RSBN1: variants seen among roughly 807,000 people sequenced by gnomAD.
RSBN1 encodes the protein round spermatid basic protein 1.
Under a neutral mutation model 74.8 loss-of-function variants are expected in RSBN1, and 23 were observed. That is an observed-to-expected ratio of 0.31 (90% CI 0.22 to 0.44). The LOEUF (loss-of-function observed/expected upper bound fraction) is 0.44. Ranked by LOEUF, RSBN1 falls within the 20% of genes least tolerant of loss-of-function variation. The pLI, the probability that RSBN1 is intolerant of heterozygous loss-of-function variation, is 1.00. For synonymous variants in RSBN1, 407 were observed against 379.6 expected (o/e 1.07, Z -0.84); for missense variants, 808 against 1,020.9 (o/e 0.79, Z 2.84).
intron 4 of RSBN1, among the ~76,000 whole-genome samples, chr1:113,775,945 T>G (rs1443121931): frequency 6.6e-6 from 1 of 152,230 alleles, no homozygotes; most frequent in Admixed American, 6.5e-5. Context: ...CATTCTCCTA[T>G]GAGCCTTAAG....
rs1218529115 is a variant in RSBN1, at chr1:113,797,630, A to G, written c.1110T>C (p.Ala370=). Residue 370 remains alanine (A), a synonymous_variant, in exon 2 of 7, where the codon GCT becomes GCC. Coordinates refer to ENST00000261441, the MANE Select transcript of RSBN1 (RefSeq NM_018364.5). ...CATCCATGTAAGCATGAAGGACAAG[A>G]GCACCACCATTGGACTGGTGTTCCT... ...IHEEHQSNGG[A]LVLHAYMDEL... is the part of the protein sequence containing the mutation. 2.5e-6 allele frequency: 4 copies of G among 1,614,068 alleles called. No homozygotes were observed. Among genetic ancestry groups the G allele is most frequent in the Admixed American group, 1.7e-5 (1 of 59,974 alleles).
In RSBN1 at chr1:113,777,758, C is replaced by A; in HGVS notation, c.1428G>T (p.Gln476His). ...CATCTACTGCTCCAACGAGACTTAT[C>A]TGCCGCATAGGACCTGCTCGGTAGG... is the stretch of plus-strand genomic sequence containing the variant. ...CGTYRAGPMR[Q>H]ISLVGAVDEE... The change falls in exon 3 of 7, where the codon CAG becomes CAT. Residue 476 changes from glutamine to histidine, a missense_variant. Coordinates refer to ENST00000261441, the MANE Select transcript of RSBN1 (RefSeq NM_018364.5). 1 of 1,610,862 alleles carries A rather than the reference C, an allele frequency of 6.2e-7. No homozygotes were observed. The highest frequency in any genetic ancestry group is 2.2e-5 in the East Asian group (1 of 44,836).
intron 1 of RSBN1, among the ~76,000 whole-genome samples, chr1:113,809,757 T>C (rs1660793840): frequency 1.3e-5 from 2 of 152,230 alleles, no homozygotes; most frequent in Non-Finnish European, 2.9e-5. Flanking sequence ...AGAGTGGTGT[T>C]GTCCAGTGTG....
At position 113,812,455 on chromosome 1, in the gene RSBN1, A is replaced by C; in HGVS notation, c.-43T>G. On this transcript the variant is annotated 5_prime_UTR_variant, in exon 1 of 7. Transcript: ENST00000261441. ...CCAGCTTTTCTCCGCAGGCCTCTCC[A>C]ACCGAGCTTCTATTGTAAAGCACCC... The C allele has an allele frequency of 1.3e-6, 2 of 1,529,262 alleles. No homozygotes were observed. The highest frequency in any genetic ancestry group is 1.7e-6 in the Non-Finnish European group (2 of 1,144,724). 94.7% of individuals were successfully genotyped at this position (1,529,262 alleles called of 1,614,324 possible). A position where few individuals can be genotyped will look rare whatever the true frequency, so the allele number is the denominator to read the frequency against.
intron 1 of RSBN1, among the ~76,000 whole-genome samples, chr1:113,800,693 G>A (rs1183421099): frequency 1.3e-5 from 2 of 151,974 alleles, no homozygotes; most frequent in African/African-American, 2.4e-5. Flanking sequence ...AAAGAACTGC[G>A]TTGATTGTAA....
chr1:113,765,923 C>A lies in RSBN1; in HGVS notation c.*57G>T. The A allele has an allele frequency of 7.5e-7, 1 of 1,331,946 alleles. No individual in the cohort carries two copies. Among genetic ancestry groups the A allele is most frequent in the Non-Finnish European group, 1.0e-6 (1 of 962,322 alleles). 82.5% of individuals were successfully genotyped at this position (1,331,946 alleles called of 1,614,324 possible). A position where few individuals can be genotyped will look rare whatever the true frequency, so the allele number is the denominator to read the frequency against. On this transcript the variant is annotated 3_prime_UTR_variant, in exon 7 of 7. Transcript: ENST00000261441. ...AACTTAACTTAAGCCAGTTATAAAA[C>A]TATAACTTCACATCAAAATTTAAAA... is the stretch of plus-strand genomic sequence containing the variant.
chr1:113,798,151 T>C lies in RSBN1; in HGVS notation c.704-115A>G, dbSNP rs1007889369. 1.2e-5 allele frequency: 10 copies of C among 858,776 alleles called. No individual in the cohort carries two copies. In the East Asian group the frequency reaches 2.2e-4, roughly 19 times the overall value. 53.2% of individuals were successfully genotyped at this position (858,776 alleles called of 1,614,324 possible). On this transcript the variant is annotated intron_variant, in intron 1 of 6. Transcript: ENST00000261441. ...TCCTCAATTTCTCTGAATTTGCTAT[T>C]ACAACTTACGTGTTTAGAAAACAAA...
chr1:113,798,418 T>C (rs980314822), intron 1 of RSBN1, among the ~76,000 whole-genome samples: 1 of 152,188 alleles, frequency 6.6e-6, no homozygotes, highest in African/African-American at 2.4e-5. Context: ...TGTTCAGTTA[T>C]CATCATAAAA....
At chr1:113,798,264 T>A (rs190103018) in intron 1 of RSBN1, among the ~76,000 whole-genome samples, 6 of 152,226 alleles carry the variant, frequency 3.9e-5, no homozygotes. Context: ...AGTATATTAC[T>A]GATAATGGAG....
chr1:113,798,787 CAG>C (rs1322821225), intron 1 of RSBN1, among the ~76,000 whole-genome samples: 2 of 152,138 alleles, frequency 1.3e-5, no homozygotes, highest in Non-Finnish European at 2.9e-5. Flanking sequence ...TGTCTAATAA[CAG>C]GGGACTGATT....
intron 4 of RSBN1, among the ~76,000 whole-genome samples, chr1:113,773,926 C>T (rs1008377645): frequency 1.3e-5 from 2 of 152,018 alleles, no homozygotes; most frequent in East Asian, 1.9e-4. Flanking sequence ...TCATTTGAAT[C>T]CGGGAGGCGG....
chr1:113,791,805 A>T (rs1411583613), intron 2 of RSBN1, among the ~76,000 whole-genome samples: 1 of 152,170 alleles, frequency 6.6e-6, no homozygotes, highest in East Asian at 1.9e-4. Flanking sequence ...CTTTTCTATA[A>T]CACACTAATA....
chr1:113,785,289 ATCATC>A (rs1344030797), intron 2 of RSBN1, among the ~76,000 whole-genome samples: 1 of 152,240 alleles, frequency 6.6e-6, no homozygotes, highest in Non-Finnish European at 1.5e-5. Context: ...TCACGGAGCT[ATCATC>A]TGCTATGATA....
intron 2 of RSBN1, among the ~76,000 whole-genome samples, chr1:113,795,707 C>T (rs935121944): frequency 1.3e-5 from 2 of 152,100 alleles, no homozygotes; most frequent in Non-Finnish European, 2.9e-5. Context: ...GTTGTTGGTA[C>T]AGTCATTTAA....
intron 2 of RSBN1, among the ~76,000 whole-genome samples, chr1:113,786,151 G>C (rs898367103): frequency 2.0e-5 from 3 of 152,182 alleles, no homozygotes; most frequent in Admixed American, 6.5e-5. Flanking sequence ...AAATTGTCAA[G>C]ATGTGGACAA....
At chr1:113,779,709 G>A (rs1660098759) in intron 2 of RSBN1, among the ~76,000 whole-genome samples, 1 of 152,120 alleles carries the variant, frequency 6.6e-6, no homozygotes, top group Admixed American at 6.5e-5. Flanking sequence ...GGAATCATAT[G>A]CTTTTAGGGG....
chr1:113,763,336 GATA>G lies in RSBN1; in HGVS notation c.*2641_*2643del, dbSNP rs1371992557. 1.3e-4 allele frequency: 20 copies of G among 152,766 alleles called. No homozygotes were observed. Among genetic ancestry groups the G allele is most frequent in the African/African-American group, 4.3e-4 (18 of 41,524 alleles). The allele number at this position is 152,766 out of a possible 1,614,324, so 9.5% of individuals were successfully genotyped here. ...AGTAATCTCAAGAGCTGGCACAACG[GATA>G]ATATACCAAAAAGGAAGATCAGCTT... On this transcript the variant is annotated 3_prime_UTR_variant, in exon 7 of 7. Coordinates refer to ENST00000261441, the MANE Select transcript of RSBN1 (RefSeq NM_018364.5).
Position 113,806,124 on chromosome 1 carries a change from T to A in RSBN1, c.703+5586A>T, listed in dbSNP as rs188038345. Among the ~76,000 whole-genome samples, 133 of 152,006 alleles carry A rather than the reference T, an allele frequency of 8.7e-4. 1 individual carries two copies. Among genetic ancestry groups the A allele is most frequent in the African/African-American group, 2.9e-3 (120 of 41,458 alleles). ...CTTGTGGGAGGCACATCACCTGAGGTCAGGAGTTTGAGACCAGTCTGGCCA... is the reference window on the plus strand; with the variant it reads ...CTTGTGGGAGGCACATCACCTGAGGACAGGAGTTTGAGACCAGTCTGGCCA... On this transcript the variant is annotated intron_variant, in intron 1 of 6. Transcript: ENST00000261441.
At chr1:113,799,565 TACACACACACACACACACACAC>T (rs66958734) in intron 1 of RSBN1, among the ~76,000 whole-genome samples, 12 of 141,976 alleles carry the variant, frequency 8.5e-5, no homozygotes, top group East Asian at 2.2e-4. Flanking sequence ...ATAGATGCTT[TACACACACACACACACACACAC>T]ACACACACAC....
Sources: allele counts gnomAD v4.1 joint callset (sites outside exome capture counted in the v4.1 genomes callset), GRCh38; gene constraint gnomAD v4.1.1; transcripts MANE v1.5; gene names NCBI Gene and HGNC (gene_info 2026-07-23, HGNC 2026-07-21).